Variants in NSMF observed in about 807,000 individuals in gnomAD.
NSMF encodes nasal embryonic LHRH factor.
In NSMF, 31 loss-of-function variants were observed where a neutral mutation model predicts 71.0. The observed-to-expected ratio is 0.44, with a 90% CI of 0.33 to 0.59. The LOEUF (loss-of-function observed/expected upper bound fraction) is 0.59. Ranked by LOEUF, NSMF falls within the 20% of genes least tolerant of loss-of-function variation. The pLI is 0.04. For synonymous variants in NSMF, 345 were observed against 287.1 expected, an observed-to-expected ratio of 1.20 and a Z score of -2.04; for missense variants, 673 against 740.5, an observed-to-expected ratio of 0.91 and a Z score of 1.06.
In NSMF at chr9:137,457,831, C is replaced by G. The variant is rs375655351; in HGVS notation, c.204G>C (p.Lys68Asn). The change falls in exon 3 of 16, where the codon AAG becomes AAC. Residue 68 changes from lysine (K) to asparagine (N), a missense_variant. Physicochemically the swap from Lys to Asn is moderately conservative, Grantham distance 94. Around this residue, in one of 2 missense-constraint regions of NSMF, gnomAD observed 471 missense variants for 459.6 expected, o/e 1.02. Coordinates refer to ENST00000371475, the MANE Select transcript of NSMF (RefSeq NM_001130969.3). Reference protein sequence around the residue: ...SPEMQPAPQNKRRLSLVSNGC... With the variant: ...SPEMQPAPQNNRRLSLVSNGC... Reference sequence around the variant, plus strand: ...CGTTGGAGACGAGGGACAGGCGGCGCTTGTTCTGGGGGGCCGGCTGCATCT... The same window carrying G: ...CGTTGGAGACGAGGGACAGGCGGCGGTTGTTCTGGGGGGCCGGCTGCATCT... The G allele has an allele frequency of 6.4e-7, 1 of 1,555,800 alleles. No individual in the cohort carries two copies. The highest frequency in any genetic ancestry group is 8.7e-7 in the Non-Finnish European group (1 of 1,150,036).
Position 137,448,837 on chromosome 9 carries a change from C to T in NSMF, c.*557G>A, listed in dbSNP as rs768751573. 154 of 197,480 alleles carry T rather than the reference C, an allele frequency of 7.8e-4. No individual in the cohort carries two copies. Among genetic ancestry groups the T allele is most frequent in the Non-Finnish European group, 1.3e-3 (126 of 94,434 alleles). 12.2% of individuals were successfully genotyped at this position (197,480 alleles called of 1,614,324 possible). ...GCCAGTGTAGACAGACCCAGAGACTCGGCCAGTGTAGACAGAGCCAGGCTG... is the reference window on the plus strand; with the variant it reads ...GCCAGTGTAGACAGACCCAGAGACTTGGCCAGTGTAGACAGAGCCAGGCTG... On this transcript the variant is annotated 3_prime_UTR_variant, in exon 16 of 16. Transcript: ENST00000371475. The surrounding 1 kb of genome is among the most constrained non-coding windows in gnomAD (Gnocchi z 5.3).
chr9:137,455,401 C>A, intron 5 of NSMF, 94 bp from the exon 6 acceptor site: 1 of 1,434,408 alleles, frequency 7.0e-7, no homozygotes, highest in Non-Finnish European at 9.8e-7. Flanking sequence ...CCCAGCAGGG[C>A]GTCTGGGGCA....
At position 137,448,984 on chromosome 9, in the gene NSMF, G is replaced by C; in HGVS notation, c.*410C>G. On this transcript the variant is annotated 3_prime_UTR_variant, in exon 16 of 16. Coordinates refer to ENST00000371475, the MANE Select transcript of NSMF (RefSeq NM_001130969.3). This position sits in a 1 kb window ranked among gnomAD's most constrained non-coding sequence, Gnocchi z 5.3. The stretch of plus-strand genomic sequence containing the variant: ...TGTGGGCTGCTGGGCTGCTGGGCCG[G>C]GGTGCCTACACTGTAACTAGCAGCA... 1 of 327,010 alleles carries C rather than the reference G, an allele frequency of 3.1e-6. No individual in the cohort carries two copies. The highest frequency in any genetic ancestry group is 6.0e-6 in the Non-Finnish European group (1 of 167,632). 20.3% of individuals were successfully genotyped at this position (327,010 alleles called of 1,614,324 possible).
At chr9:137,452,626 CGT>C (rs1164601857) in intron 10 of NSMF, 40 bp from the exon 11 acceptor site, 4 of 1,612,044 alleles carry the variant, frequency 2.5e-6, no homozygotes, top group Non-Finnish European at 3.4e-6. Flanking sequence ...ATCAAGGCTG[CGT>C]CAGAGCCAGC....
rs1588490744 is a variant in NSMF, at chr9:137,449,681, G to A, written c.1420-7C>T. ...TCCTGAGGTTCTGGAACAGCTGGAG[G>A]AAGCGGGGTGCCATGAGTCCGAGGC... is the stretch of plus-strand genomic sequence containing the variant. On this transcript the variant is annotated splice_polypyrimidine_tract_variant and splice_region_variant and intron_variant, in intron 14 of 15. Transcript: ENST00000371475. 1.2e-6 allele frequency: 2 copies of A among 1,611,428 alleles called. No homozygotes were observed. Among genetic ancestry groups the A allele is most frequent in the Admixed American group, 1.7e-5 (1 of 59,696 alleles).
chr9:137,452,487 ACCCCCAC>A, intron 11 of NSMF, 52 bp from the exon 12 acceptor site: 1 of 1,611,506 alleles, frequency 6.2e-7, no homozygotes, highest in Non-Finnish European at 8.5e-7. Context: ...CCCCAGGGGC[ACCCCCAC>A]CTGTGTCTGC....
intron 4 of NSMF, among the ~76,000 whole-genome samples, chr9:137,456,135 C>G (rs563407206): frequency 6.6e-6 from 1 of 152,206 alleles, no homozygotes; most frequent in Admixed American, 6.5e-5. Context: ...GCAGGAGAAC[C>G]TGCCACACCC....
chr9:137,458,108 G>A (rs1054530789), intron 2 of NSMF, among the ~76,000 whole-genome samples: 1 of 152,166 alleles, frequency 6.6e-6, no homozygotes, highest in African/African-American at 2.4e-5. Flanking sequence ...GCTGGGTGAC[G>A]CTGTGCTACC....
chr9:137,452,999 G>A, intron 9 of NSMF, 57 bp downstream of exon 9: 1 of 1,608,624 alleles, frequency 6.2e-7, no homozygotes, highest in Non-Finnish European at 8.5e-7. Flanking sequence ...GCTGGACTCG[G>A]GTTGGGGCGG....
intron 2 of NSMF, among the ~76,000 whole-genome samples, 199 bp downstream of exon 2, chr9:137,458,289 G>A (rs913142754): frequency 2.0e-5 from 3 of 152,190 alleles, no homozygotes; most frequent in East Asian, 1.9e-4. Flanking sequence ...CAGGCGGGGT[G>A]GGTGCCATGG....
chr9:137,449,820 C>CG (rs1839824746), intron 14 of NSMF, 103 bp downstream of exon 14: 2 of 1,330,772 alleles, frequency 1.5e-6, no homozygotes, highest in South Asian at 1.2e-5. Flanking sequence ...GGGGAATGCC[C>CG]GGGGGAAGGA....
In NSMF at chr9:137,450,158, G is replaced by A. The variant is rs1269074812; in HGVS notation, c.1316+18C>T. ...CTGCCTCCAGCCCTCCCCGCGCCCAGGGCACCCGGCTTCTCACTGAATCAT... is the reference window on the plus strand; with the variant it reads ...CTGCCTCCAGCCCTCCCCGCGCCCAAGGCACCCGGCTTCTCACTGAATCAT... On this transcript the variant is annotated intron_variant, in intron 13 of 15. Transcript: ENST00000371475. 1.2e-6 allele frequency: 2 copies of A among 1,612,302 alleles called. No homozygotes were observed. Among genetic ancestry groups the A allele is most frequent in the Non-Finnish European group, 1.7e-6 (2 of 1,179,114 alleles).
intron 12 of NSMF, 57 bp from the exon 13 acceptor site, chr9:137,450,312 A>C: frequency 7.1e-7 from 1 of 1,399,010 alleles, no homozygotes. Context: ...TCCGACACAC[A>C]TGCACCCACG....
In NSMF at chr9:137,450,195, TCTC is replaced by T; in HGVS notation, c.1294_1296del (p.Glu432del). 6.2e-7 allele frequency: 1 copy of T among 1,613,394 alleles called. No homozygotes were observed. Among genetic ancestry groups the T allele is most frequent in the Non-Finnish European group, 8.5e-7 (1 of 1,179,848 alleles). ...TCTCACTGAATCATGTCCTCTTCCT[TCTC>T]CACTTTGGCAAAGGTGGCCACCTTG... On this transcript the variant is annotated inframe_deletion, in exon 13 of 16. Coordinates refer to ENST00000371475, the MANE Select transcript of NSMF (RefSeq NM_001130969.3).
In NSMF at chr9:137,456,263, C is replaced by T. The variant is rs1340682792; in HGVS notation, c.704+148G>A. The stretch of plus-strand genomic sequence containing the variant: ...GGGGAAGAGCAGTCAGCCCTGGCCT[C>T]CCTGGCAGGCCTGGCACAGCATAGG... On this transcript the variant is annotated intron_variant, in intron 4 of 15. Transcript: ENST00000371475. 7 of 755,570 alleles carry T rather than the reference C, an allele frequency of 9.3e-6. No individual in the cohort carries two copies. The East Asian group carries it at 1.8e-4, about 19-fold the overall frequency. The allele number at this position is 755,570 out of a possible 1,614,324, so 46.8% of individuals were successfully genotyped here. A position where few individuals can be genotyped will look rare whatever the true frequency, so the allele number is the denominator to read the frequency against.
At position 137,455,169 on chromosome 9, in the gene NSMF, C is replaced by T. The variant is rs1281035992; in HGVS notation, c.779+70G>A. The T allele has an allele frequency of 1.2e-5, 18 of 1,547,180 alleles. 1 individual carries two copies. Among genetic ancestry groups the T allele is most frequent in the South Asian group, 4.5e-5 (4 of 89,798 alleles). On this transcript the variant is annotated intron_variant, in intron 6 of 15. Transcript: ENST00000371475. ...CTTCCCCCATCAGGTCTGCCAGGGCCGAGGGGGCCCAGGCCAGGCCAGCAC... is the reference window on the plus strand; with the variant it reads ...CTTCCCCCATCAGGTCTGCCAGGGCTGAGGGGGCCCAGGCCAGGCCAGCAC...
chr9:137,457,905 G>T lies in NSMF; in HGVS notation c.134-4C>A. 1 of 1,541,842 alleles carries T rather than the reference G, an allele frequency of 6.5e-7. No homozygotes were observed. The highest frequency in any genetic ancestry group is 2.4e-5 in the East Asian group (1 of 41,276). The stretch of plus-strand genomic sequence containing the variant: ...TAGGCATCAGCCAGCAGGTGATCTA[G>T]GAGAGACACTGAGTGAGCCTGCCTG... On this transcript the variant is annotated splice_polypyrimidine_tract_variant and splice_region_variant and intron_variant, in intron 2 of 15. Transcript: ENST00000371475.
chr9:137,457,289 G>T, intron 3 of NSMF, 118 bp downstream of exon 3: 2 of 1,414,856 alleles, frequency 1.4e-6, no homozygotes, highest in Non-Finnish European at 2.0e-6. Context: ...GAGTCCGCTG[G>T]CATGCTGTGA....
chr9:137,453,962 G>A lies in NSMF; in HGVS notation c.833-142C>T. 3 of 689,846 alleles carry A rather than the reference G, an allele frequency of 4.3e-6. No individual in the cohort carries two copies. The highest frequency in any genetic ancestry group is 2.4e-5 in the Admixed American group (1 of 42,470). The allele number at this position is 689,846 out of a possible 1,614,324, so 42.7% of individuals were successfully genotyped here. A position where few individuals can be genotyped will look rare whatever the true frequency, so the allele number is the denominator to read the frequency against. On this transcript the variant is annotated intron_variant, in intron 7 of 15. Coordinates refer to ENST00000371475, the MANE Select transcript of NSMF (RefSeq NM_001130969.3). The surrounding 1 kb of genome is among the most constrained non-coding windows in gnomAD (Gnocchi z 4.5). ...GTCTAAGGCACATGAAGCAGACACGGACCAGAGGCTCGGTTGGTTCAGGGG... is the reference window on the plus strand; with the variant it reads ...GTCTAAGGCACATGAAGCAGACACGAACCAGAGGCTCGGTTGGTTCAGGGG...
Sources: gnomAD v4.1 joint callset for allele counts (sites outside exome capture counted in the v4.1 genomes callset) on GRCh38, gnomAD v4.1.1 for gene constraint, gnomAD v4.1.1 regional missense constraint, Gnocchi (gnomAD v3.1) non-coding constraint, MANE v1.5 for transcripts, NCBI Gene and HGNC (gene_info 2026-07-23, HGNC 2026-07-21) for gene names.